STXBP5: variants seen among roughly 807,000 people sequenced by gnomAD.
STXBP5 encodes syntaxin-binding protein 5.
Under a neutral mutation model 152.4 loss-of-function variants are expected in STXBP5, and 50 were observed. The observed-to-expected ratio is 0.33, with a 90% confidence interval of 0.26 to 0.42. STXBP5 has a LOEUF of 0.42. Ranked by LOEUF, STXBP5 falls within the 10% of genes least tolerant of loss-of-function variation. STXBP5 has a pLI of 1.00. For missense variants in STXBP5, 1,167 were observed against 1,388.6 expected (o/e 0.84, Z 2.54); for synonymous variants, 492 against 494.7 (o/e 0.99, Z 0.07).
chr6:147,377,094 A>G (rs1192847587), intron 26 of STXBP5, among the ~76,000 whole-genome samples: 2 of 152,202 alleles, frequency 1.3e-5, no homozygotes, highest in Admixed American at 6.5e-5. Context: ...TGTAGATTTA[A>G]TAATAAGCAG....
rs117854980 is a variant in STXBP5 at position 147,277,021 on chromosome 6, A to G, written c.715-1060A>G. 4.4e-3 allele frequency among the ~76,000 whole-genome samples: 668 copies of G among 152,154 alleles called. 13 individuals carry two copies. The highest frequency in any genetic ancestry group is 0.034 in the Admixed American group (522 of 15,302). ...ATTAAATGCATTTTTGACTTATGAT[A>G]TTTTTGACTTATGATGAGTTTATCA... is the stretch of plus-strand genomic sequence containing the variant. On this transcript the variant is annotated intron_variant, in intron 7 of 27. Transcript: ENST00000321680.
intron 2 of STXBP5, among the ~76,000 whole-genome samples, chr6:147,229,672 A>G (rs1344232567): frequency 6.6e-6 from 1 of 151,958 alleles, no homozygotes; most frequent in African/African-American, 2.4e-5. Context: ...TTTATAGATC[A>G]TTCATTGCCA....
intron 7 of STXBP5, among the ~76,000 whole-genome samples, chr6:147,275,011 T>G (rs1167478110): frequency 1.3e-5 from 2 of 152,146 alleles, no homozygotes; most frequent in Non-Finnish European, 2.9e-5. Flanking sequence ...CATACAATTT[T>G]GAGTTAGTGA....
Position 147,384,775 on chromosome 6 carries a change from C to A in STXBP5, c.*20C>A. The A allele has an allele frequency of 6.2e-7, 1 of 1,601,574 alleles. No individual in the cohort carries two copies. The highest frequency in any genetic ancestry group is 1.1e-5 in the South Asian group (1 of 88,092). On this transcript the variant is annotated 3_prime_UTR_variant, in exon 28 of 28. Transcript: ENST00000321680. ...TTCTGACAACCAGAATCCAATAAGT[C>A]CAACTTCAGCCAGAAGGAAAAAAGT...
intron 7 of STXBP5, among the ~76,000 whole-genome samples, chr6:147,275,603 G>A (rs1400399679): frequency 1.5e-5 from 2 of 133,722 alleles, no homozygotes; most frequent in African/African-American, 3.0e-5. Flanking sequence ...TGTTGCCCAG[G>A]CTGGAGTGCA....
intron 4 of STXBP5, 126 bp from the exon 5 acceptor site, chr6:147,260,489 A>G (rs1314458749): frequency 2.9e-6 from 3 of 1,043,252 alleles, no homozygotes; most frequent in African/African-American, 1.6e-5. Flanking sequence ...CAATGAATAG[A>G]TAAATCTGAT....
chr6:147,229,811 ATAGT>A (rs1483788850), intron 2 of STXBP5, among the ~76,000 whole-genome samples: 8 of 152,054 alleles, frequency 5.3e-5, no homozygotes, highest in African/African-American at 1.9e-4. Flanking sequence ...ATGAATAAAG[ATAGT>A]TCTACTTTTT....
intron 4 of STXBP5, among the ~76,000 whole-genome samples, chr6:147,254,889 C>T (rs1779279230): frequency 6.6e-6 from 1 of 152,202 alleles, no homozygotes. Context: ...TTAGTTCAAC[C>T]ATTGTGGAAG....
chr6:147,256,462 A>G (rs1779370702), intron 4 of STXBP5, among the ~76,000 whole-genome samples: 2 of 152,200 alleles, frequency 1.3e-5, no homozygotes, highest in Non-Finnish European at 2.9e-5. Context: ...CCAAGTGACC[A>G]AATCCTGCAC....
intron 22 of STXBP5, among the ~76,000 whole-genome samples, chr6:147,354,850 C>G (rs1229733717): frequency 6.6e-6 from 1 of 152,092 alleles, no homozygotes; most frequent in Non-Finnish European, 1.5e-5. Context: ...CTGTAACATT[C>G]CTGTGTTGCC....
At chr6:147,362,555 A>G (rs758053925) in intron 23 of STXBP5, among the ~76,000 whole-genome samples, 3 of 152,206 alleles carry the variant, frequency 2.0e-5, no homozygotes, top group African/African-American at 7.2e-5. Flanking sequence ...AGTATATTTG[A>G]CAGTTGTTGT....
At chr6:147,338,339 A>G (rs899283467) in intron 19 of STXBP5, among the ~76,000 whole-genome samples, 1 of 152,048 alleles carries the variant, frequency 6.6e-6, no homozygotes, top group African/African-American at 2.4e-5. Context: ...ACATTAAGGG[A>G]ACTCAAAGGA....
At chr6:147,368,935 A>C (rs1040557188) in intron 25 of STXBP5, among the ~76,000 whole-genome samples, 2 of 151,906 alleles carry the variant, frequency 1.3e-5, no homozygotes, top group Non-Finnish European at 2.9e-5. Context: ...ATTAATAAAA[A>C]ATTTTTTAAA....
chr6:147,230,814 C>T (rs569298051), intron 2 of STXBP5, among the ~76,000 whole-genome samples: 2 of 151,914 alleles, frequency 1.3e-5, no homozygotes, highest in South Asian at 2.1e-4. Context: ...TTAAACTTTG[C>T]GCCTGAGTTT....
chr6:147,328,044 C>T (rs1287787706), intron 18 of STXBP5, among the ~76,000 whole-genome samples: 1 of 152,196 alleles, frequency 6.6e-6, no homozygotes, highest in Non-Finnish European at 1.5e-5. Context: ...AGCCCACACT[C>T]ATTGAGAATT....
chr6:147,319,565 C>A (rs975024198), intron 16 of STXBP5, among the ~76,000 whole-genome samples: 3 of 152,052 alleles, frequency 2.0e-5, no homozygotes, highest in Non-Finnish European at 4.4e-5. Context: ...TAACAACTAA[C>A]CTCATGTATA....
chr6:147,385,719 T>C lies in STXBP5; in HGVS notation c.*964T>C, dbSNP rs910327969. ...CCAAATGTACCTTTGCATTCTTTAA[T>C]TAAAATTGCTTAAAAAAAAACTTTC... On this transcript the variant is annotated 3_prime_UTR_variant, in exon 28 of 28. Coordinates refer to ENST00000321680, the MANE Select transcript of STXBP5 (RefSeq NM_001127715.4). The C allele has an allele frequency of 6.6e-6, 1 of 152,204 alleles. No homozygotes were observed. Among genetic ancestry groups the C allele is most frequent in the Admixed American group, 6.6e-5 (1 of 15,248 alleles). 9.4% of individuals were successfully genotyped at this position (152,204 alleles called of 1,614,324 possible).
chr6:147,300,725 T>C, intron 9 of STXBP5, among the ~76,000 whole-genome samples: 1 of 152,060 alleles, frequency 6.6e-6, no homozygotes, highest in East Asian at 1.9e-4. Flanking sequence ...TGGGAAATGC[T>C]TCACGATATG....
chr6:147,242,303 A>G (rs1396876180), intron 4 of STXBP5, among the ~76,000 whole-genome samples: 2 of 152,200 alleles, frequency 1.3e-5, no homozygotes, highest in Non-Finnish European at 1.5e-5. Flanking sequence ...TTATTATAAA[A>G]GAGTCAAAAA....
Sources: allele counts gnomAD v4.1 joint callset (sites outside exome capture counted in the v4.1 genomes callset), GRCh38; gene constraint gnomAD v4.1.1; transcripts MANE v1.5; gene names NCBI Gene and HGNC (gene_info 2026-07-23, HGNC 2026-07-21).